THEMIS: variants seen among roughly 807,000 people sequenced by gnomAD.
The protein encoded by THEMIS is thymocyte selection associated.
A neutral mutation model predicts 52.6 loss-of-function variants in THEMIS; 37 were observed. The observed-to-expected ratio is 0.70, with a 90% CI of 0.54 to 0.93. The LOEUF is 0.93. Ranked by LOEUF, THEMIS falls within the 40% of genes least tolerant of loss-of-function variation. The pLI is 0.00. For missense variants in THEMIS, 808 were observed against 763.1 expected (o/e 1.06, Z -0.69); for synonymous variants, 292 against 272.7 (o/e 1.07, Z -0.70).
chr6:127,808,380 T>G (rs1229857095), intron 4 of THEMIS, among the ~76,000 whole-genome samples: 13 of 152,124 alleles, frequency 8.5e-5, no homozygotes. Context: ...CAAACCAACC[T>G]TCAAGGAAGG....
intron 1 of THEMIS, among the ~76,000 whole-genome samples, chr6:127,909,402 G>T (rs2114526121): frequency 6.6e-6 from 1 of 152,166 alleles, no homozygotes; most frequent in African/African-American, 2.4e-5. Flanking sequence ...GATAGTGAGT[G>T]AGTTCTCACG....
chr6:127,761,810 G>A (rs1292742096), intron 4 of THEMIS, among the ~76,000 whole-genome samples: 1 of 152,082 alleles, frequency 6.6e-6, no homozygotes, highest in Non-Finnish European at 1.5e-5. Flanking sequence ...AACCCAGAGT[G>A]CCAATAGCAC....
intron 1 of THEMIS, among the ~76,000 whole-genome samples, chr6:127,863,855 C>T (rs142567416): frequency 4.6e-5 from 7 of 152,228 alleles, no homozygotes; most frequent in Admixed American, 2.0e-4. Flanking sequence ...TTTGGCTTTG[C>T]CAATCAATGG....
intron 4 of THEMIS, among the ~76,000 whole-genome samples, chr6:127,740,402 A>G (rs909181598): frequency 6.6e-6 from 1 of 151,554 alleles, no homozygotes; most frequent in Admixed American, 6.6e-5. Context: ...GTGGATTTAA[A>G]TGTTGCTAAA....
At chr6:127,770,250 G>A (rs548178579) in intron 4 of THEMIS, among the ~76,000 whole-genome samples, 3 of 152,278 alleles carry the variant, frequency 2.0e-5, no homozygotes, top group South Asian at 2.1e-4. Flanking sequence ...CGGTGTAAAA[G>A]CATTCGTATT....
chr6:127,726,259 G>C (rs1774543186), intron 4 of THEMIS, among the ~76,000 whole-genome samples: 1 of 152,102 alleles, frequency 6.6e-6, no homozygotes, highest in Non-Finnish European at 1.5e-5. Context: ...TCGGAGGACA[G>C]ACAGTAGCCC....
intron 4 of THEMIS, among the ~76,000 whole-genome samples, chr6:127,725,430 C>CTGTG (rs143520649): frequency 1.1e-4 from 17 of 149,358 alleles, no homozygotes; most frequent in African/African-American, 3.4e-4. Context: ...CTGTCTCCTA[C>CTGTG]TGTGTGTGTG....
intron 2 of THEMIS, among the ~76,000 whole-genome samples, chr6:127,846,570 C>A (rs2114711641): frequency 6.6e-6 from 1 of 151,998 alleles, no homozygotes; most frequent in African/African-American, 2.4e-5. Flanking sequence ...AGCATACAAT[C>A]CTCCTAGATT....
At chr6:127,850,493 C>A (rs1779382619) in intron 2 of THEMIS, among the ~76,000 whole-genome samples, 1 of 151,862 alleles carries the variant, frequency 6.6e-6, no homozygotes, top group African/African-American at 2.4e-5. Flanking sequence ...ACCTAACTGT[C>A]CATCAACCAA....
chr6:127,787,876 T>TAGAC (rs1562258011), intron 4 of THEMIS, among the ~76,000 whole-genome samples: 1 of 119,834 alleles, frequency 8.3e-6, no homozygotes, highest in Non-Finnish European at 1.8e-5. Flanking sequence ...GATAGATAGA[T>TAGAC]AGATATAGAT....
downstream of THEMIS, among the ~76,000 whole-genome samples, chr6:127,707,716 T>C (rs542743590): frequency 1.8e-4 from 27 of 152,264 alleles, no homozygotes; most frequent in African/African-American, 6.5e-4. Flanking sequence ...CATGTTATCA[T>C]CTTCCTTTTA....
chr6:127,880,189 A>G (rs961957641), intron 1 of THEMIS, among the ~76,000 whole-genome samples: 1 of 152,184 alleles, frequency 6.6e-6, no homozygotes, highest in Non-Finnish European at 1.5e-5. Context: ...CAGGTGCTCA[A>G]AGTAAATTTG....
At chr6:127,765,545 C>A (rs1776167056) in intron 4 of THEMIS, among the ~76,000 whole-genome samples, 1 of 152,076 alleles carries the variant, frequency 6.6e-6, no homozygotes, top group African/African-American at 2.4e-5. Context: ...ACTACTCGAG[C>A]TATTTAATCA....
At chr6:127,906,102 TTA>T (rs1385243264) in intron 1 of THEMIS, among the ~76,000 whole-genome samples, 7 of 151,196 alleles carry the variant, frequency 4.6e-5, no homozygotes, top group Non-Finnish European at 8.9e-5. Flanking sequence ...CAGATAACAT[TTA>T]AACACATAAA....
At chr6:127,810,214 A>G (rs1048819846) in intron 4 of THEMIS, among the ~76,000 whole-genome samples, 3 of 151,240 alleles carry the variant, frequency 2.0e-5, no homozygotes, top group African/African-American at 7.3e-5. Context: ...TTTTTTCCCT[A>G]TGAGTGCTTT....
At chr6:127,766,342 T>C (rs1257392919) in intron 4 of THEMIS, among the ~76,000 whole-genome samples, 2 of 152,208 alleles carry the variant, frequency 1.3e-5, no homozygotes, top group South Asian at 2.1e-4. Flanking sequence ...GAATGAAATA[T>C]GAAGCATGAA....
chr6:127,907,659 A>G (rs1051362489), intron 1 of THEMIS, among the ~76,000 whole-genome samples: 1 of 152,024 alleles, frequency 6.6e-6, no homozygotes, highest in African/African-American at 2.4e-5. Context: ...TTGGAAGAGG[A>G]GATATATCAA....
chr6:127,905,533 A>C (rs113633541), upstream of THEMIS, among the ~76,000 whole-genome samples: 98 of 152,190 alleles, frequency 6.4e-4, no homozygotes, highest in Non-Finnish European at 1.1e-3. Context: ...GATCTCAGAC[A>C]GAAAGTCAAG....
chr6:127,863,712 C>T (rs187673957), intron 1 of THEMIS, among the ~76,000 whole-genome samples: 1 of 152,236 alleles, frequency 6.6e-6, no homozygotes, highest in East Asian at 1.9e-4. Context: ...AATCCTGCTT[C>T]TCAAAAATAT....
Sources: gnomAD v4.1 joint callset for allele counts (sites outside exome capture counted in the v4.1 genomes callset) on GRCh38, gnomAD v4.1.1 for gene constraint, MANE v1.5 for transcripts, NCBI Gene and HGNC (gene_info 2026-07-23, HGNC 2026-07-21) for gene names.